The following LDLRAD4 variants were observed in gnomAD, a reference collection of about 807,000 sequenced individuals.
LDLRAD4 encodes low density lipoprotein receptor class A domain containing 4.
Under a neutral mutation model 17.0 loss-of-function variants are expected in LDLRAD4, and 5 were observed. The observed-to-expected ratio is 0.29, with a 90% confidence interval of 0.15 to 0.62. The LOEUF (loss-of-function observed/expected upper bound fraction) is 0.62, where lower values mean the gene tolerates loss of function less well. LDLRAD4 is among the 20% of genes least tolerant of loss of function. The probability of loss-of-function intolerance (pLI) is 0.84; values close to 1 mark genes in which losing one functional copy is unlikely to be tolerated. For missense variants in LDLRAD4, 340 were observed against 424.7 expected, an observed-to-expected ratio of 0.80 and a Z score of 1.75; for synonymous variants, 168 against 171.8, an observed-to-expected ratio of 0.98 and a Z score of 0.17.
intron 2 of LDLRAD4, among the ~76,000 whole-genome samples, chr18:13,393,739 A>C (rs968782837): frequency 6.6e-6 from 1 of 152,186 alleles, no homozygotes; most frequent in Non-Finnish European, 1.5e-5. Flanking sequence ...TTCTTGCTTC[A>C]TAACAGGAGT....
chr18:13,372,192 C>T (rs752720144), intron 1 of LDLRAD4, among the ~76,000 whole-genome samples: 17 of 152,236 alleles, frequency 1.1e-4, no homozygotes, highest in African/African-American at 2.4e-4. Context: ...TCAGAAAGGC[C>T]GGTCCCTGCC....
intron 3 of LDLRAD4, among the ~76,000 whole-genome samples, chr18:13,450,329 C>A (rs1045860215): frequency 8.7e-6 from 1 of 115,436 alleles, no homozygotes; most frequent in Non-Finnish European, 1.9e-5. Context: ...TCCCCCCACC[C>A]CCCCCCCCAA....
intron 2 of LDLRAD4, among the ~76,000 whole-genome samples, chr18:13,414,166 G>A (rs985560466): frequency 3.3e-5 from 5 of 152,236 alleles, no homozygotes; most frequent in African/African-American, 9.6e-5. Flanking sequence ...ACATCTTGGG[G>A]TGCCTGCCTT....
intron 1 of LDLRAD4, among the ~76,000 whole-genome samples, chr18:13,225,499 G>A (rs2041735375): frequency 6.6e-6 from 1 of 152,232 alleles, no homozygotes; most frequent in African/African-American, 2.4e-5. Flanking sequence ...TTGAGGAGGT[G>A]AAGACCTCTA....
chr18:13,287,605 C>T (rs1031809045), intron 1 of LDLRAD4, among the ~76,000 whole-genome samples: 2 of 152,318 alleles, frequency 1.3e-5, no homozygotes, highest in South Asian at 2.1e-4. Context: ...TAACCTTCTC[C>T]ACTGTCTGCC....
At chr18:13,644,811 T>C in intron 5 of LDLRAD4, 1 of 324,154 alleles carries the variant, frequency 3.1e-6, no homozygotes, top group Non-Finnish European at 5.7e-6. Flanking sequence ...GTGTGTTCTG[T>C]TTCCAAGGGG....
chr18:13,249,358 C>T (rs1465959340), intron 1 of LDLRAD4, among the ~76,000 whole-genome samples: 1 of 152,200 alleles, frequency 6.6e-6, no homozygotes, highest in Non-Finnish European at 1.5e-5. Context: ...AGCTTACATT[C>T]CCACCAACAG....
At chr18:13,652,706 C>G (rs1172724729) in exon 6 of LDLRAD4, 1 of 152,618 alleles carries the variant, frequency 6.6e-6, no homozygotes, top group Admixed American at 6.5e-5. Flanking sequence ...GTTCTTAATG[C>G]TGTGGTCAAA....
chr18:13,572,305 C>G (rs907444237), intron 3 of LDLRAD4, among the ~76,000 whole-genome samples: 10 of 152,246 alleles, frequency 6.6e-5, no homozygotes, highest in Non-Finnish European at 1.3e-4. Context: ...TGAGCCACCC[C>G]TGGCCCCCTT....
rs1177450742 is a variant in LDLRAD4, at chr18:13,533,682, C to T, written c.182-87435C>T. Among the ~76,000 whole-genome samples, 6 of 151,968 alleles carry T rather than the reference C, an allele frequency of 3.9e-5. 1 individual carries two copies. The East Asian group carries it at 1.2e-3, about 29-fold the overall frequency. On this transcript the variant is annotated intron_variant, in intron 3 of 5. Coordinates refer to ENST00000359446, the Ensembl canonical transcript of LDLRAD4. The stretch of plus-strand genomic sequence containing the variant: ...TCCATGTATCTGAATTACATTTAGG[C>T]CTTTTAAAACATATCACATTATGTA...
At chr18:13,580,127 C>G (rs2094835764) in intron 3 of LDLRAD4, among the ~76,000 whole-genome samples, 1 of 152,206 alleles carries the variant, frequency 6.6e-6, no homozygotes, top group Non-Finnish European at 1.5e-5. Context: ...GGGCTCCAGG[C>G]TGCTCTTCTT....
intron 3 of LDLRAD4, among the ~76,000 whole-genome samples, chr18:13,620,474 G>A (rs1418005201): frequency 1.3e-5 from 2 of 152,222 alleles, no homozygotes; most frequent in Non-Finnish European, 1.5e-5. Context: ...GTGAGCCCTC[G>A]ACCTGCTTCC....
At chr18:13,277,572 A>C (rs1463010675), upstream of LDLRAD4, among the ~76,000 whole-genome samples, 1 of 152,226 alleles carries the variant, frequency 6.6e-6, no homozygotes, top group Non-Finnish European at 1.5e-5. Context: ...CAGAGTCACG[A>C]ACGTTACCAT....
At chr18:13,383,100 C>A (rs1391624046) in intron 1 of LDLRAD4, among the ~76,000 whole-genome samples, 2 of 152,224 alleles carry the variant, frequency 1.3e-5, no homozygotes, top group Non-Finnish European at 2.9e-5. Context: ...AGGAGCAGCA[C>A]CTCCACCTGG....
intron 1 of LDLRAD4, among the ~76,000 whole-genome samples, chr18:13,360,236 C>A (rs916603514): frequency 6.6e-6 from 1 of 152,174 alleles, no homozygotes. Flanking sequence ...CATCACATCT[C>A]GGAGCCACTT....
intron 3 of LDLRAD4, among the ~76,000 whole-genome samples, chr18:13,564,210 C>T (rs2094570362): frequency 6.6e-6 from 1 of 152,226 alleles, no homozygotes; most frequent in Admixed American, 6.5e-5. Flanking sequence ...CCCAGATTCT[C>T]TCCCTTTTGA....
intron 1 of LDLRAD4, among the ~76,000 whole-genome samples, chr18:13,381,510 C>T (rs756013867): frequency 3.9e-5 from 6 of 152,224 alleles, no homozygotes; most frequent in East Asian, 1.9e-4. Context: ...GGAGTCACCA[C>T]GGGTACCAGA....
chr18:13,334,302 A>G (rs901225692), intron 1 of LDLRAD4, among the ~76,000 whole-genome samples: 2 of 151,986 alleles, frequency 1.3e-5, no homozygotes, highest in African/African-American at 2.4e-5. Flanking sequence ...CAATGGTGCA[A>G]TCTTGGCTCA....
intron 3 of LDLRAD4, chr18:13,611,113 C>G (rs1010006123): frequency 3.2e-5 from 5 of 154,300 alleles, no homozygotes; most frequent in African/African-American, 1.2e-4. Flanking sequence ...CTGGAGGACC[C>G]TGCGGTGACA....
Sources: gnomAD v4.1 joint callset for allele counts (sites outside exome capture counted in the v4.1 genomes callset) on GRCh38, gnomAD v4.1.1 for gene constraint, MANE v1.5 for transcripts, NCBI Gene and HGNC (gene_info 2026-07-23, HGNC 2026-07-21) for gene names.